The following AATF variants were observed in gnomAD, a reference collection of about 807,000 sequenced individuals.
AATF encodes apoptosis antagonizing transcription factor, also known as protein AATF.
A neutral mutation model predicts 63.7 loss-of-function variants in AATF; 48 were observed. The ratio of observed to expected loss-of-function variants is 0.75; its 90% CI spans 0.60 to 0.96. The LOEUF is 0.96. Among genes scored for constraint, AATF ranks in the 40% least tolerant of loss-of-function variants. The pLI is 0.00. For synonymous variants in AATF, 258 were observed against 247.7 expected, an observed-to-expected ratio of 1.04 and a Z score of -0.39; for missense variants, 639 against 685.7, an observed-to-expected ratio of 0.93 and a Z score of 0.76.
chr17:37,005,957 A>G (rs1025762100), intron 8 of AATF, among the ~76,000 whole-genome samples: 2 of 151,862 alleles, frequency 1.3e-5, no homozygotes, highest in Non-Finnish European at 2.9e-5. Context: ...GTGAGACCCT[A>G]TCTCTATAAA....
chr17:36,963,146 A>T (rs1321167869), intron 4 of AATF, among the ~76,000 whole-genome samples: 1 of 152,104 alleles, frequency 6.6e-6, no homozygotes, highest in Non-Finnish European at 1.5e-5. Context: ...AAAACCAAGG[A>T]GAGAGAAACT....
intron 11 of AATF, among the ~76,000 whole-genome samples, chr17:37,049,733 T>TG (rs945077520): frequency 6.6e-6 from 1 of 152,090 alleles, no homozygotes; most frequent in Non-Finnish European, 1.5e-5. Context: ...TGGAGGCACG[T>TG]GCTTTATTGG....
intron 11 of AATF, among the ~76,000 whole-genome samples, chr17:37,040,358 G>C (rs2071627156): frequency 6.6e-6 from 1 of 152,046 alleles, no homozygotes; most frequent in South Asian, 2.1e-4. Flanking sequence ...CCCTGTGTCT[G>C]ATGGGCAATG....
chr17:36,995,212 T>G (rs973785168), intron 8 of AATF, among the ~76,000 whole-genome samples: 2 of 152,250 alleles, frequency 1.3e-5, no homozygotes, highest in Admixed American at 1.3e-4. Context: ...TTTTGCTCTT[T>G]TGATGACCAC....
intron 11 of AATF, among the ~76,000 whole-genome samples, chr17:37,039,568 G>T (rs2071620369): frequency 6.6e-6 from 1 of 152,144 alleles, no homozygotes; most frequent in South Asian, 2.1e-4. Flanking sequence ...TTTGCTTGTT[G>T]ATTCTCAGGT....
At chr17:36,955,873 C>T (rs2070895638) in intron 4 of AATF, among the ~76,000 whole-genome samples, 1 of 152,132 alleles carries the variant, frequency 6.6e-6, no homozygotes, top group African/African-American at 2.4e-5. Flanking sequence ...AGTGATCTTC[C>T]CGCCTCAGCC....
intron 8 of AATF, 125 bp from the exon 9 acceptor site, chr17:37,018,880 G>A (rs951481649): frequency 4.0e-6 from 3 of 751,170 alleles, no homozygotes; most frequent in African/African-American, 3.5e-5. Context: ...TTGCCACTGG[G>A]TTGTCCCTTA....
chr17:37,004,626 G>A (rs962678256), intron 8 of AATF, among the ~76,000 whole-genome samples: 2 of 152,162 alleles, frequency 1.3e-5, no homozygotes, highest in African/African-American at 4.8e-5. Flanking sequence ...TAAGGGGTGA[G>A]AGCATGTGCA....
intron 11 of AATF, among the ~76,000 whole-genome samples, chr17:37,048,496 A>T (rs551330117): frequency 8.6e-4 from 129 of 149,586 alleles, no homozygotes; most frequent in Non-Finnish European, 1.3e-3. Flanking sequence ...TCAGCCTCCC[A>T]AGTACCTGGG....
At chr17:36,965,052 A>C (rs1038051325) in intron 4 of AATF, among the ~76,000 whole-genome samples, 2 of 152,124 alleles carry the variant, frequency 1.3e-5, no homozygotes, top group African/African-American at 4.8e-5. Context: ...TCATTGATGT[A>C]TTCTTGTTTG....
At chr17:37,038,848 A>G (rs2071613773) in intron 11 of AATF, among the ~76,000 whole-genome samples, 1 of 152,260 alleles carries the variant, frequency 6.6e-6, no homozygotes, top group Non-Finnish European at 1.5e-5. Flanking sequence ...AGCACCAAAT[A>G]CATTATTGTT....
chr17:37,023,448 G>A (rs1361678303), intron 10 of AATF, among the ~76,000 whole-genome samples: 1 of 151,988 alleles, frequency 6.6e-6, no homozygotes, highest in African/African-American at 2.4e-5. Context: ...TTTGATAGCA[G>A]TGGAGATCCC....
chr17:37,009,520 C>T (rs140930118), intron 8 of AATF, among the ~76,000 whole-genome samples: 4 of 151,846 alleles, frequency 2.6e-5, no homozygotes, highest in African/African-American at 9.7e-5. Flanking sequence ...AATTCTCATC[C>T]GCTTAAAACC....
intron 11 of AATF, 29 bp downstream of exon 11, chr17:37,031,714 A>G (rs190989453): frequency 8.9e-6 from 14 of 1,577,570 alleles, no homozygotes; most frequent in African/African-American, 6.7e-5. Context: ...ATGTGTCTCA[A>G]ATGGCTTCAT....
intron 11 of AATF, among the ~76,000 whole-genome samples, chr17:37,043,674 A>G (rs1040257961): frequency 2.6e-5 from 4 of 152,188 alleles, no homozygotes; most frequent in African/African-American, 9.7e-5. Context: ...TAGTATTTGC[A>G]AAACACTTCA....
intron 4 of AATF, among the ~76,000 whole-genome samples, chr17:36,968,055 A>G (rs944359585): frequency 6.6e-6 from 1 of 150,886 alleles, no homozygotes; most frequent in African/African-American, 2.4e-5. Flanking sequence ...GTTTTTTACT[A>G]TCTCCCCTGT....
At chr17:36,992,661 C>T (rs1455060005) in intron 8 of AATF, among the ~76,000 whole-genome samples, 1 of 147,292 alleles carries the variant, frequency 6.8e-6, no homozygotes, top group African/African-American at 2.5e-5. Context: ...AAAGAAATAG[C>T]ATTACTTGAT....
intron 4 of AATF, chr17:36,980,139 A>G (rs2142236207): frequency 6.6e-6 from 1 of 152,330 alleles, no homozygotes; most frequent in African/African-American, 2.4e-5. Flanking sequence ...GCTTGTCCAC[A>G]TTTTATAAAC....
intron 6 of AATF, among the ~76,000 whole-genome samples, chr17:36,989,029 A>G (rs1441249796): frequency 6.6e-6 from 1 of 152,178 alleles, no homozygotes. Context: ...ATCAGAAGCT[A>G]ATCTCCGTGT....
Sources: gnomAD v4.1 joint callset for allele counts (sites outside exome capture counted in the v4.1 genomes callset) on GRCh38, gnomAD v4.1.1 for gene constraint, MANE v1.5 for transcripts, NCBI Gene and HGNC (gene_info 2026-07-23, HGNC 2026-07-21) for gene names.